Variants in CRBN observed in about 807,000 individuals in gnomAD.
The protein encoded by CRBN is protein cereblon.
Under a neutral mutation model 62.2 loss-of-function variants are expected in CRBN, and 53 were observed. The ratio of observed to expected loss-of-function variants is 0.85; its 90% CI spans 0.68 to 1.07. The LOEUF (loss-of-function observed/expected upper bound fraction) is 1.07. Among genes scored for constraint, CRBN ranks in the 50% least tolerant of loss-of-function variants. The probability of loss-of-function intolerance (pLI) is 0.00; values close to 1 mark genes in which losing one functional copy is unlikely to be tolerated. For missense variants in CRBN, 616 were observed against 531.1 expected (o/e 1.16, Z -1.57); for synonymous variants, 208 against 176.1 (o/e 1.18, Z -1.43).
At chr3:3,175,012 A>G in intron 2 of CRBN, 151 bp downstream of exon 2, 2 of 611,028 alleles carry the variant, frequency 3.3e-6, no homozygotes, top group South Asian at 4.0e-5. Context: ...TAAAAATTAC[A>G]GTTAAATGTT....
intron 7 of CRBN, 188 bp from the exon 8 acceptor site, chr3:3,154,263 C>G: frequency 1.4e-5 from 8 of 579,558 alleles, no homozygotes; most frequent in Non-Finnish European, 2.5e-5. Context: ...AATTTAATTG[C>G]TTTTCTTATA....
chr3:3,169,347 G>A (rs1412345635), intron 4 of CRBN, among the ~76,000 whole-genome samples: 1 of 152,036 alleles, frequency 6.6e-6, no homozygotes, highest in Non-Finnish European at 1.5e-5. Flanking sequence ...GTTGTTTTGT[G>A]ATTACAGCAA....
chr3:3,166,527 T>TA (rs1707358818), intron 5 of CRBN, among the ~76,000 whole-genome samples: 3 of 152,156 alleles, frequency 2.0e-5, no homozygotes, highest in African/African-American at 4.8e-5. Context: ...TACTAAACGT[T>TA]AAAAAATACT....
intron 1 of CRBN, among the ~76,000 whole-genome samples, chr3:3,178,137 T>C (rs1220829209): frequency 6.6e-6 from 1 of 152,192 alleles, no homozygotes; most frequent in African/African-American, 2.4e-5. Context: ...CTCCCTCTTC[T>C]ATTCACCATT....
chr3:3,159,193 C>G (rs1250006926), intron 5 of CRBN, among the ~76,000 whole-genome samples: 5 of 152,134 alleles, frequency 3.3e-5, no homozygotes, highest in African/African-American at 1.2e-4. Flanking sequence ...CAGACTAATA[C>G]AGTGCCTAAC....
In CRBN at chr3:3,179,630, G is replaced by A; in HGVS notation, c.58C>T (p.Leu20Phe). ...TACTCCGGGCGGTTACCAGGCAGGA[G>A]CGGCAGGTGGTTGCCCATGTTGTGC... ...AAHNMGNHLP[L>F]LPAESEEEDE... The change falls in exon 1 of 11, where the codon CTC becomes TTC. Residue 20 changes from leucine (L) to phenylalanine (F), a missense_variant. Transcript: ENST00000231948. 6.2e-7 allele frequency: 1 copy of A among 1,613,366 alleles called. No homozygotes were observed. Among genetic ancestry groups the A allele is most frequent in the Non-Finnish European group, 8.5e-7 (1 of 1,179,650 alleles).
Position 3,154,799 on chromosome 3 carries a change from T to C in CRBN, c.783A>G (p.Leu261=), listed in dbSNP as rs986810263. 6.2e-7 allele frequency: 1 copy of C among 1,606,284 alleles called. No individual in the cohort carries two copies. The stretch of plus-strand genomic sequence containing the variant: ...CTTTTAGATTTTCATCCCATTCACG[T>C]AGCTGTTTCTTGATTCTGTCCATTA... ...ETLMDRIKKQ[L]REWDENLKDD... is the part of the protein sequence containing the mutation. The change falls in exon 7 of 11, where the codon CTA becomes CTG. Residue 261 remains leucine (L), a synonymous_variant. Coordinates refer to ENST00000231948, the MANE Select transcript of CRBN (RefSeq NM_016302.4).
At chr3:3,170,177 C>T (rs1707545314) in intron 4 of CRBN, among the ~76,000 whole-genome samples, 1 of 152,148 alleles carries the variant, frequency 6.6e-6, no homozygotes, top group South Asian at 2.1e-4. Context: ...GATGCAGCTT[C>T]ACCATGTTGG....
intron 5 of CRBN, among the ~76,000 whole-genome samples, chr3:3,160,447 T>A (rs1575087930): frequency 6.6e-6 from 1 of 152,322 alleles, no homozygotes; most frequent in East Asian, 1.9e-4. Flanking sequence ...TAATAAGAAC[T>A]GGGATGGAAT....
In CRBN at chr3:3,167,502, C is replaced by T. The variant is rs532943318; in HGVS notation, c.687+132G>A. On this transcript the variant is annotated intron_variant, in intron 5 of 10. Coordinates refer to ENST00000231948, the MANE Select transcript of CRBN (RefSeq NM_016302.4). ...GCTGCCTGTGCAATTTTTAGAGGAT[C>T]AAATGTAGCTGGAATATTGCCATAC... 41 of 866,194 alleles carry T rather than the reference C, an allele frequency of 4.7e-5. No homozygotes were observed. The African/African-American group carries it at 6.4e-4, about 14-fold the overall frequency. 53.7% of individuals were successfully genotyped at this position (866,194 alleles called of 1,614,324 possible). A position where few individuals can be genotyped will look rare whatever the true frequency, so the allele number is the denominator to read the frequency against.
intron 5 of CRBN, among the ~76,000 whole-genome samples, chr3:3,161,077 T>C (rs1289278268): frequency 6.6e-6 from 1 of 152,196 alleles, no homozygotes; most frequent in Non-Finnish European, 1.5e-5. Flanking sequence ...TTTTTGGCTA[T>C]GATTTAGAAT....
Position 3,175,163 on chromosome 3 carries a change from T to C in CRBN, c.174A>G (p.Thr58=), listed in dbSNP as rs1327581984. Reference sequence around the variant, plus strand: ...TTAGATCTGTCACTAAATTACATACTGTATGTGATGTCGGCAGACTGGTGT... The same window carrying C: ...TTAGATCTGTCACTAAATTACATACCGTATGTGATGTCGGCAGACTGGTGT... ...NFDTSLPTSH[T]YLGADMEEFH... Residue 58 remains threonine (T), a splice_region_variant and synonymous_variant, in exon 2 of 11, where the codon ACA becomes ACG. Transcript: ENST00000231948. 12 of 1,582,708 alleles carry C rather than the reference T, an allele frequency of 7.6e-6. No individual in the cohort carries two copies. The highest frequency in any genetic ancestry group is 2.2e-5 in the East Asian group (1 of 44,690).
At chr3:3,175,372 T>TTTGGTAAACTCTACAGCACCGG in intron 1 of CRBN, 103 bp from the exon 2 acceptor site, 2 of 844,946 alleles carry the variant, frequency 2.4e-6, no homozygotes, top group Non-Finnish European at 3.9e-6. Context: ...ACCACATGCA[T>TTTGGTAAACTCTACAGCACCGG]TTGGTAAACT....
rs756440147 is a variant in CRBN at position 3,179,672 on chromosome 3, C to T, written c.16G>A (p.Asp6Asn). MAGEG[D>N]QQDAAHNMGN... ...ATGTTGTGCGCAGCGTCCTGCTGATCTCCTTCGCCGGCCATGTCTGTTTAC... is the reference window on the plus strand; with the variant it reads ...ATGTTGTGCGCAGCGTCCTGCTGATTTCCTTCGCCGGCCATGTCTGTTTAC... The change falls in exon 1 of 11, where the codon GAT becomes AAT. Residue 6 changes from aspartate (D) to asparagine (N), a missense_variant. Asp to Asn is a conservative substitution (Grantham distance 23). Coordinates refer to ENST00000231948, the MANE Select transcript of CRBN (RefSeq NM_016302.4). 2.5e-6 allele frequency: 4 copies of T among 1,613,016 alleles called. No homozygotes were observed. The highest frequency in any genetic ancestry group is 2.2e-5 in the South Asian group (2 of 91,012).
intron 1 of CRBN, 56 bp from the exon 2 acceptor site, chr3:3,175,325 C>G (rs773650642): frequency 4.0e-6 from 5 of 1,242,120 alleles, no homozygotes; most frequent in Non-Finnish European, 5.9e-6. Flanking sequence ...ACCTTTCAAA[C>G]ATGTAATTCC....
At chr3:3,164,889 G>C (rs922277758) in intron 5 of CRBN, among the ~76,000 whole-genome samples, 1 of 152,182 alleles carries the variant, frequency 6.6e-6, no homozygotes, top group Non-Finnish European at 1.5e-5. Context: ...TGATTCCTCT[G>C]ATGGATCTGG....
Position 3,174,173 on chromosome 3 carries a change from A to G in CRBN, c.263T>C (p.Met88Thr), listed in dbSNP as rs1707736712. Reference sequence around the variant, plus strand: ...TGTCTGTCCGGGAATCAGGATCATCATCACTTGTGGAAGAACTGGAATCAC... The same window carrying G: ...TGTCTGTCCGGGAATCAGGATCATCGTCACTTGTGGAAGAACTGGAATCAC... ...CQVIPVLPQV[M>T]MILIPGQTLP... The change falls in exon 3 of 11, where the codon ATG (methionine) becomes ACG (threonine). Residue 88 changes from methionine to threonine, a missense_variant. By Grantham distance (81) the Met-to-Thr change is moderately conservative. Coordinates refer to ENST00000231948, the MANE Select transcript of CRBN (RefSeq NM_016302.4). 3.7e-6 allele frequency: 6 copies of G among 1,614,086 alleles called. No homozygotes were observed. The highest frequency in any genetic ancestry group is 5.1e-6 in the Non-Finnish European group (6 of 1,180,032).
intron 2 of CRBN, 55 bp downstream of exon 2, chr3:3,175,108 T>G (rs1707777905): frequency 8.3e-7 from 1 of 1,202,158 alleles, no homozygotes; most frequent in Non-Finnish European, 1.2e-6. Flanking sequence ...TTATGAACTT[T>G]TATCTACATT....
At chr3:3,164,002 T>G (rs1707235406) in intron 5 of CRBN, among the ~76,000 whole-genome samples, 1 of 152,208 alleles carries the variant, frequency 6.6e-6, no homozygotes, top group African/African-American at 2.4e-5. Context: ...AACTTTGATG[T>G]TATTACTGTA....
Sources: allele counts gnomAD v4.1 joint callset (sites outside exome capture counted in the v4.1 genomes callset), GRCh38; gene constraint gnomAD v4.1.1; transcripts MANE v1.5; gene names NCBI Gene and HGNC (gene_info 2026-07-23, HGNC 2026-07-21).